Variants in PTTG1 observed in about 807,000 individuals in gnomAD.
PTTG1 encodes the protein securin.
In PTTG1, 8 loss-of-function variants were observed where a neutral mutation model predicts 20.0. The observed-to-expected ratio is 0.40, with a 90% CI of 0.23 to 0.72. The LOEUF is 0.72. Among genes scored for constraint, PTTG1 ranks in the 30% least tolerant of loss-of-function variants. The pLI, the probability that PTTG1 is intolerant of heterozygous loss-of-function variation, is 0.38. For synonymous variants in PTTG1, 79 were observed against 87.2 expected (o/e 0.91, Z 0.52); for missense variants, 197 against 236.0 (o/e 0.83, Z 1.08).
At chr5:160,422,441 G>A (rs1452621854) in intron 2 of PTTG1, 38 bp downstream of exon 2, 1 of 1,558,338 alleles carries the variant, frequency 6.4e-7, no homozygotes. Context: ...CACTGGTATT[G>A]TGGACGTGGC....
At position 160,422,480 on chromosome 5, in the gene PTTG1, T is replaced by C; in HGVS notation, c.91+77T>C. On this transcript the variant is annotated intron_variant, in intron 2 of 5. Transcript: ENST00000352433. ...GAGCTGGACGAGACATTTAGTGTAC[T>C]TTTTGGGCAATTGGAGTCGTTTGTT... 4 of 1,342,304 alleles carry C rather than the reference T, an allele frequency of 3.0e-6. No homozygotes were observed. In the South Asian group the frequency reaches 3.6e-5, roughly 12 times the overall value. 83.1% of individuals were successfully genotyped at this position (1,342,304 alleles called of 1,614,324 possible). A position where few individuals can be genotyped will look rare whatever the true frequency, so the allele number is the denominator to read the frequency against.
intron 4 of PTTG1, among the ~76,000 whole-genome samples, chr5:160,426,263 A>C (rs1420867873): frequency 1.3e-5 from 2 of 152,202 alleles, no homozygotes; most frequent in Non-Finnish European, 2.9e-5. Context: ...TTTGGAGAAG[A>C]ATGGCATGGT....
chr5:160,424,143 T>G, intron 3 of PTTG1, 94 bp from the exon 4 acceptor site: 2 of 840,108 alleles, frequency 2.4e-6, no homozygotes, highest in South Asian at 3.4e-5. Context: ...GATTATGGCT[T>G]CTTAGAAGGC....
At chr5:160,427,680 G>T in intron 4 of PTTG1, 35 bp from the exon 5 acceptor site, 2 of 1,605,102 alleles carry the variant, frequency 1.2e-6, no homozygotes, top group South Asian at 1.1e-5. Flanking sequence ...ACTAAGAACT[G>T]CTGCCCTGAC....
intron 5 of PTTG1, among the ~76,000 whole-genome samples, chr5:160,428,291 G>T (rs1242013374): frequency 3.9e-5 from 6 of 152,194 alleles, no homozygotes; most frequent in Non-Finnish European, 7.3e-5. Flanking sequence ...GGTAGTCAAA[G>T]CCAACATTAT....
chr5:160,427,306 G>A (rs1210849776), intron 4 of PTTG1, among the ~76,000 whole-genome samples: 2 of 152,202 alleles, frequency 1.3e-5, no homozygotes, highest in Admixed American at 6.5e-5. Context: ...GTATTTTGGT[G>A]TACAGTGGAA....
rs779979636 is a variant in PTTG1, at chr5:160,422,342, A to G, written c.30A>G (p.Glu10=). The G allele has an allele frequency of 1.1e-5, 18 of 1,614,028 alleles. No homozygotes were observed. The South Asian group carries it at 2.0e-4, about 18-fold the overall frequency. The part of the protein sequence containing the change: MATLIYVDK[E]NGEPGTRVVA... ...CTACTCTGATCTATGTTGATAAGGAAAATGGAGAACCAGGCACCCGTGTGG... is the reference window on the plus strand; with the variant it reads ...CTACTCTGATCTATGTTGATAAGGAGAATGGAGAACCAGGCACCCGTGTGG... The change falls in exon 2 of 6, where the codon GAA becomes GAG. Residue 10 remains glutamate (E), a synonymous_variant. Transcript: ENST00000352433.
intron 3 of PTTG1, 33 bp downstream of exon 3, chr5:160,422,926 A>T (rs760483686): frequency 6.2e-7 from 1 of 1,600,916 alleles, no homozygotes; most frequent in Non-Finnish European, 8.5e-7. Flanking sequence ...CTGTTTAAAC[A>T]CTTAAGCACT....
intron 4 of PTTG1, among the ~76,000 whole-genome samples, chr5:160,426,429 G>T (rs1451792584): frequency 6.6e-6 from 1 of 152,114 alleles, no homozygotes; most frequent in Non-Finnish European, 1.5e-5. Flanking sequence ...GTGTGGATAG[G>T]TTTTTTTGCC....
chr5:160,423,504 A>T (rs1290641307), intron 3 of PTTG1, among the ~76,000 whole-genome samples: 1 of 152,240 alleles, frequency 6.6e-6, no homozygotes, highest in Non-Finnish European at 1.5e-5. Context: ...ACAACTAGTG[A>T]ATTACATATA....
chr5:160,423,142 G>A (rs1226831276), intron 3 of PTTG1: 1 of 486,798 alleles, frequency 2.1e-6, no homozygotes, highest in African/African-American at 1.9e-5. Flanking sequence ...TCCTTCACTA[G>A]TGTCGTGAAA....
intron 4 of PTTG1, among the ~76,000 whole-genome samples, chr5:160,426,602 C>T (rs992819781): frequency 6.6e-6 from 1 of 152,178 alleles, no homozygotes; most frequent in Non-Finnish European, 1.5e-5. Context: ...ATTGACCATT[C>T]AGAAATACTG....
intron 4 of PTTG1, among the ~76,000 whole-genome samples, chr5:160,425,095 G>GC (rs1765782110): frequency 6.6e-6 from 1 of 152,184 alleles, no homozygotes; most frequent in South Asian, 2.1e-4. Context: ...ATCAGGGAGG[G>GC]CCTTACGGAT....
intron 4 of PTTG1, among the ~76,000 whole-genome samples, chr5:160,425,733 C>T (rs1765793392): frequency 3.3e-5 from 5 of 151,574 alleles, no homozygotes; most frequent in Admixed American, 3.3e-4. Context: ...CTGGAGTCTT[C>T]TGTCTATGGT....
intron 2 of PTTG1, 92 bp from the exon 3 acceptor site, chr5:160,422,617 T>TG: frequency 6.9e-7 from 1 of 1,459,786 alleles, no homozygotes; most frequent in Non-Finnish European, 9.6e-7. Context: ...GGGGTGGGTT[T>TG]GGGGGTGAGA....
intron 1 of PTTG1, 160 bp downstream of exon 1, chr5:160,422,051 A>G (rs1278407300): frequency 2.9e-6 from 1 of 345,256 alleles, no homozygotes; most frequent in Admixed American, 4.3e-5. Flanking sequence ...TCGGACTGCT[A>G]ACTGGACCAA....
intron 5 of PTTG1, among the ~76,000 whole-genome samples, 155 bp downstream of exon 5, chr5:160,428,028 A>T (rs1357033768): frequency 6.6e-6 from 1 of 152,230 alleles, no homozygotes; most frequent in Non-Finnish European, 1.5e-5. Context: ...ACTATTCTCG[A>T]TTAATATTGC....
chr5:160,424,573 T>G (rs1171649887), intron 4 of PTTG1: 5 of 379,358 alleles, frequency 1.3e-5, no homozygotes, highest in Non-Finnish European at 2.4e-5. Context: ...GCTTATCACC[T>G]AGAGGAGGTA....
chr5:160,424,285 G>T lies in PTTG1; in HGVS notation c.325G>T (p.Asp109Tyr), dbSNP rs1393149573. The T allele has an allele frequency of 1.2e-6, 2 of 1,612,770 alleles. No individual in the cohort carries two copies. The highest frequency in any genetic ancestry group is 1.7e-6 in the Non-Finnish European group (2 of 1,179,068). ...AAAAAGCTCTGTTCCTGCCTCAGAT[G>T]ATGCCTATCCAGAAATAGAAAAATT... The part of the protein sequence containing the change: ...KAKSSVPASD[D>Y]AYPEIEKFFP... The change falls in exon 4 of 6, where the codon GAT (aspartate) becomes TAT (tyrosine). Residue 109 changes from aspartate (D) to tyrosine (Y), a missense_variant. Physicochemically the swap from Asp to Tyr is radical, Grantham distance 160 (BLOSUM62 -3). Transcript: ENST00000352433.
Sources: allele counts gnomAD v4.1 joint callset (sites outside exome capture counted in the v4.1 genomes callset), GRCh38; gene constraint gnomAD v4.1.1; transcripts MANE v1.5; gene names NCBI Gene and HGNC (gene_info 2026-07-23, HGNC 2026-07-21).